Variants in STK36 observed in about 807,000 individuals in gnomAD.
STK36 encodes serine/threonine-protein kinase 36.
STK36 carries 116 observed loss-of-function variants against 142.2 expected under a neutral mutation model. The observed-to-expected ratio is 0.82, with a 90% CI of 0.70 to 0.95. The LOEUF (loss-of-function observed/expected upper bound fraction) is 0.95. Ranked by LOEUF, STK36 falls within the 40% of genes least tolerant of loss-of-function variation. The pLI is 0.00. For synonymous variants in STK36, 619 were observed against 641.7 expected (o/e 0.96, Z 0.53); for missense variants, 1,422 against 1,617.2 (o/e 0.88, Z 2.07).
chr2:218,676,849 A>T (rs1940275054), intron 6 of STK36, among the ~76,000 whole-genome samples: 1 of 151,470 alleles, frequency 6.6e-6, no homozygotes, highest in Non-Finnish European at 1.5e-5. Context: ...ACGGGGTTTC[A>T]CCGTGTTAGC....
chr2:218,689,662 C>T (rs1282512874), intron 12 of STK36, among the ~76,000 whole-genome samples, 197 bp from the exon 13 acceptor site: 1 of 152,254 alleles, frequency 6.6e-6, no homozygotes, highest in African/African-American at 2.4e-5. Context: ...AAACAAGACA[C>T]ATTTAATCCA....
At chr2:218,690,107 A>G (rs1940938274) in intron 13 of STK36, 151 bp downstream of exon 13, 9 of 742,934 alleles carry the variant, frequency 1.2e-5, no homozygotes, top group Non-Finnish European at 2.0e-5. Flanking sequence ...TAGTCCTTTT[A>G]AGGACCCTAA....
chr2:218,672,124 C>A lies in STK36; in HGVS notation c.-181C>A, dbSNP rs1385270476. The A allele has an allele frequency of 2.4e-6, 2 of 829,452 alleles. No homozygotes were observed. The highest frequency in any genetic ancestry group is 5.3e-5 in the East Asian group (2 of 37,598). The allele number at this position is 829,452 out of a possible 1,614,324, so 51.4% of individuals were successfully genotyped here. ...GGCCCTGAGGCAGTTCGGATGTGTCCCAGGAAGTGCCCATGTGTGGTCCGC... is the reference window on the plus strand; with the variant it reads ...GGCCCTGAGGCAGTTCGGATGTGTCACAGGAAGTGCCCATGTGTGGTCCGC... On this transcript the variant is annotated 5_prime_UTR_variant, in exon 1 of 27. Transcript: ENST00000295709.
intron 4 of STK36, 135 bp downstream of exon 4, chr2:218,674,091 A>C: frequency 2.4e-6 from 2 of 817,704 alleles, no homozygotes; most frequent in Non-Finnish European, 3.8e-6. Context: ...AGGTATATAG[A>C]GGCAGTGTAG....
chr2:218,675,927 G>T (rs1482217165), intron 5 of STK36, 102 bp from the exon 6 acceptor site: 2 of 1,470,074 alleles, frequency 1.4e-6, no homozygotes, highest in African/African-American at 1.4e-5. Flanking sequence ...CTAATCAAAG[G>T]TGCTCCCTCT....
At position 218,702,023 on chromosome 2, in the gene STK36, C is replaced by A. The variant is rs765586225; in HGVS notation, c.*14C>A. 1 of 1,612,368 alleles carries A rather than the reference C, an allele frequency of 6.2e-7. No homozygotes were observed. The highest frequency in any genetic ancestry group is 1.3e-5 in the African/African-American group (1 of 75,004). ...CATAGCATGTGATTCCAGATTCCTG[C>A]GGTCCAGCCTCCAACTTTGGTTGCC... On this transcript the variant is annotated 3_prime_UTR_variant, in exon 27 of 27. Coordinates refer to ENST00000295709, the MANE Select transcript of STK36 (RefSeq NM_015690.5).
chr2:218,701,566 T>C (rs936830169), intron 26 of STK36, among the ~76,000 whole-genome samples: 3 of 152,212 alleles, frequency 2.0e-5, no homozygotes, highest in African/African-American at 4.8e-5. Context: ...TTTGGCTTAC[T>C]GTGAGTTACT....
intron 21 of STK36, among the ~76,000 whole-genome samples, chr2:218,695,551 T>TTTTTTTTTTA (rs1941200808): frequency 6.9e-6 from 1 of 143,894 alleles, no homozygotes; most frequent in African/African-American, 2.6e-5. Context: ...TTTTTTTTTT[T>TTTTTTTTTTA]GAGACGGAGT....
In STK36 at chr2:218,693,749, T is replaced by G; in HGVS notation, c.2175T>G (p.Ser725Arg). 1.2e-6 allele frequency: 2 copies of G among 1,614,152 alleles called. No homozygotes were observed. Among genetic ancestry groups the G allele is most frequent in the Non-Finnish European group, 1.7e-6 (2 of 1,180,050 alleles). Residue 725 changes from serine to arginine, a missense_variant, in exon 18 of 27, where the codon AGT (serine) becomes AGG (arginine). Coordinates refer to ENST00000295709, the MANE Select transcript of STK36 (RefSeq NM_015690.5). ...LKVLYSCCLV[S>R]EGLCRLLGQE... ...TTCTATACTCCTGCTGCCTTGTCAG[T>G]GAGGGCCTGTGCCGTCTTCTGGGGC...
chr2:218,681,333 G>T (rs1940511706), intron 10 of STK36, among the ~76,000 whole-genome samples: 1 of 152,056 alleles, frequency 6.6e-6, no homozygotes, highest in African/African-American at 2.4e-5. Context: ...TACCATGTTG[G>T]CCAGGCTAAT....
At chr2:218,678,611 G>C (rs1940363333) in intron 6 of STK36, among the ~76,000 whole-genome samples, 3 of 152,156 alleles carry the variant, frequency 2.0e-5, no homozygotes, top group Admixed American at 2.0e-4. Flanking sequence ...TCCTGATAAG[G>C]ATAAGGTGTA....
chr2:218,695,110 C>G (rs1941174683), intron 21 of STK36, among the ~76,000 whole-genome samples: 1 of 152,068 alleles, frequency 6.6e-6, no homozygotes, highest in Admixed American at 6.6e-5. Flanking sequence ...CTTCTTTCTG[C>G]TTTCTCCTTT....
intron 10 of STK36, among the ~76,000 whole-genome samples, chr2:218,683,647 C>T (rs1940636863): frequency 6.6e-6 from 1 of 152,100 alleles, no homozygotes; most frequent in South Asian, 2.1e-4. Flanking sequence ...AGGTTAGTTA[C>T]ATATGTATAC....
intron 25 of STK36, among the ~76,000 whole-genome samples, 155 bp from the exon 26 acceptor site, chr2:218,698,447 G>A (rs1237473842): frequency 3.3e-5 from 5 of 152,136 alleles, no homozygotes; most frequent in South Asian, 4.1e-4. Flanking sequence ...CAGGCTCCAC[G>A]TTGTGTCTCA....
intron 26 of STK36, among the ~76,000 whole-genome samples, chr2:218,700,565 C>T (rs1440224818): frequency 1.3e-5 from 2 of 151,496 alleles, no homozygotes; most frequent in Admixed American, 6.6e-5. Flanking sequence ...CCTTACCTGG[C>T]TAATTTTGCA....
chr2:218,699,344 A>G lies in STK36; in HGVS notation c.3800A>G (p.His1267Arg), dbSNP rs141876461. The G allele has an allele frequency of 3.3e-4, 535 of 1,613,562 alleles. 2 individuals are homozygous for G. In the African/African-American group the frequency reaches 6.6e-3, roughly 20 times the overall value. The change falls in exon 26 of 27, where the codon CAT (histidine) becomes CGT (arginine). Residue 1267 changes from histidine (H) to arginine (R), a missense_variant. His to Arg is a conservative substitution (Grantham distance 29). This residue lies in a region of STK36 where 962 missense variants were observed against 1,167.5 expected (regional missense o/e 0.82). Coordinates refer to ENST00000295709, the MANE Select transcript of STK36 (RefSeq NM_015690.5). Reference protein sequence around the residue: ...LRSLQQEPGIHQVLVSLGASE... With the variant: ...LRSLQQEPGIRQVLVSLGASE... ...AGCCTGCAACAGGAGCCTGGCATCC[A>G]TCAGGTATACCCTACAGCACTTATG...
chr2:218,696,846 A>G, intron 22 of STK36, 193 bp from the exon 23 acceptor site: 1 of 941,202 alleles, frequency 1.1e-6, no homozygotes, highest in Non-Finnish European at 1.7e-6. Flanking sequence ...AGACATACAC[A>G]TGAGTTGTGA....
intron 6 of STK36, 35 bp from the exon 7 acceptor site, chr2:218,679,133 A>C (rs758159697): frequency 1.3e-6 from 2 of 1,599,750 alleles, no homozygotes; most frequent in Admixed American, 3.3e-5. Flanking sequence ...AGGGAAGGGA[A>C]AGAATGACTG....
chr2:218,674,694 C>T (rs1162566988), intron 4 of STK36, among the ~76,000 whole-genome samples: 2 of 152,182 alleles, frequency 1.3e-5, no homozygotes, highest in African/African-American at 4.8e-5. Context: ...CTCCGCCTTC[C>T]AGGTTCAAGC....
Sources: allele counts gnomAD v4.1 joint callset (sites outside exome capture counted in the v4.1 genomes callset), GRCh38; gene constraint gnomAD v4.1.1; regional missense constraint gnomAD v4.1.1; transcripts MANE v1.5; gene names NCBI Gene and HGNC (gene_info 2026-07-23, HGNC 2026-07-21).